Variants in GRXCR1 observed in about 807,000 individuals in gnomAD.
GRXCR1 encodes glutaredoxin domain-containing cysteine-rich protein 1.
GRXCR1 carries 27 observed loss-of-function variants against 27.3 expected under a neutral mutation model. The observed-to-expected ratio is 0.99, with a 90% CI of 0.73 to 1.37. The LOEUF (loss-of-function observed/expected upper bound fraction) is 1.37, where lower values mean the gene tolerates loss of function less well. Among genes scored for constraint, GRXCR1 ranks in the 40% most tolerant of loss-of-function variants. The probability of loss-of-function intolerance (pLI) is 0.00; values close to 1 mark genes in which losing one functional copy is unlikely to be tolerated. For synonymous variants in GRXCR1, 122 were observed against 131.1 expected, an observed-to-expected ratio of 0.93 and a Z score of 0.47; for missense variants, 379 against 354.4, an observed-to-expected ratio of 1.07 and a Z score of -0.56.
chr4:43,018,840 G>T (rs1215079031), intron 2 of GRXCR1, among the ~76,000 whole-genome samples: 1 of 152,090 alleles, frequency 6.6e-6, no homozygotes, highest in Non-Finnish European at 1.5e-5. Flanking sequence ...TGTTGTCATG[G>T]TGCTTTCATT....
chr4:42,901,843 T>C (rs1746468759), intron 1 of GRXCR1, among the ~76,000 whole-genome samples: 1 of 152,182 alleles, frequency 6.6e-6, no homozygotes, highest in Admixed American at 6.6e-5. Flanking sequence ...CCACAGCCCT[T>C]GGCTTTGGTC....
chr4:42,984,539 A>C (rs1577932082), intron 2 of GRXCR1, among the ~76,000 whole-genome samples: 3 of 152,296 alleles, frequency 2.0e-5, no homozygotes, highest in African/African-American at 4.8e-5. Context: ...GCCTTGTCTG[A>C]ATTAGCCCTT....
At chr4:42,912,620 C>T (rs568891286) in intron 1 of GRXCR1, among the ~76,000 whole-genome samples, 11 of 152,118 alleles carry the variant, frequency 7.2e-5, no homozygotes, top group Non-Finnish European at 1.5e-4. Flanking sequence ...AGTGACAAGA[C>T]CATTATATAT....
At chr4:42,894,512 A>G (rs1746307107) in intron 1 of GRXCR1, among the ~76,000 whole-genome samples, 1 of 152,094 alleles carries the variant, frequency 6.6e-6, no homozygotes, top group Admixed American at 6.6e-5. Context: ...TCAATTTTTA[A>G]ATAAAATGAT....
chr4:42,987,229 T>TATATTATATATATATAATATATAA, intron 2 of GRXCR1, among the ~76,000 whole-genome samples: 1 of 92,236 alleles, frequency 1.1e-5, no homozygotes, highest in African/African-American at 4.2e-5. Context: ...ATATTATATA[T>TATATTATATATATATAATATATAA]TATATATATA....
chr4:42,994,443 C>A (rs989074276), intron 2 of GRXCR1, among the ~76,000 whole-genome samples: 1 of 152,096 alleles, frequency 6.6e-6, no homozygotes, highest in Non-Finnish European at 1.5e-5. Context: ...AACACCCATG[C>A]CTTACTCTGC....
At chr4:43,023,977 C>G (rs1358379714) in intron 3 of GRXCR1, among the ~76,000 whole-genome samples, 1 of 152,004 alleles carries the variant, frequency 6.6e-6, no homozygotes, top group Non-Finnish European at 1.5e-5. Flanking sequence ...AATACAATAA[C>G]CAAGATGGAT....
At chr4:42,920,428 T>G (rs1352814381) in intron 1 of GRXCR1, among the ~76,000 whole-genome samples, 4 of 152,180 alleles carry the variant, frequency 2.6e-5, no homozygotes, top group African/African-American at 9.6e-5. Flanking sequence ...AGAATGGTAT[T>G]CAAAGCCAAG....
At chr4:43,018,139 G>T (rs1314169394) in intron 2 of GRXCR1, among the ~76,000 whole-genome samples, 1 of 152,158 alleles carries the variant, frequency 6.6e-6, no homozygotes, top group Non-Finnish European at 1.5e-5. Context: ...TCAAGTGGAG[G>T]GCAGAGACAT....
intron 2 of GRXCR1, among the ~76,000 whole-genome samples, chr4:42,965,685 A>G (rs1441896150): frequency 6.6e-6 from 1 of 152,084 alleles, no homozygotes; most frequent in African/African-American, 2.4e-5. Context: ...AGAAAAATCA[A>G]GATTTGTGAA....
At chr4:42,974,520 A>G (rs1411754087) in intron 2 of GRXCR1, among the ~76,000 whole-genome samples, 2 of 152,146 alleles carry the variant, frequency 1.3e-5, no homozygotes, top group African/African-American at 4.8e-5. Context: ...TCTAATCACT[A>G]ATGCGGAATG....
chr4:42,947,550 A>G (rs143033355), intron 1 of GRXCR1, among the ~76,000 whole-genome samples: 2 of 152,310 alleles, frequency 1.3e-5, no homozygotes, highest in African/African-American at 4.8e-5. Context: ...GGTTACTGAT[A>G]AAATTGTACA....
chr4:42,932,589 T>TGG lies in GRXCR1; in HGVS notation c.385-30303_385-30302insGG. On this transcript the variant is annotated intron_variant, in intron 1 of 3. Transcript: ENST00000399770. ...TTAAACTCCCTTCCATATATATATA[T>TGG]ATATATATATATATATATATATATA... Among the ~76,000 whole-genome samples, 76 of 42,954 alleles carry TGG rather than the reference T, an allele frequency of 1.8e-3. 1 individual carries two copies. Among genetic ancestry groups the TGG allele is most frequent in the Non-Finnish European group, 2.6e-3 (60 of 23,290 alleles). 28.2% of individuals were successfully genotyped at this position (42,954 alleles called of 152,430 possible).
chr4:42,949,354 C>CAAAAAAAAAAAAAAAAAAAAAAAAAA (rs10622265), intron 1 of GRXCR1, among the ~76,000 whole-genome samples: 1 of 81,122 alleles, frequency 1.2e-5, no homozygotes. Context: ...GACTCCATCT[C>CAAAAAAAAAAAAAAAAAAAAAAAAAA]AAAAAAAAAA....
chr4:42,894,421 T>C (rs557280745), intron 1 of GRXCR1, among the ~76,000 whole-genome samples: 1 of 152,234 alleles, frequency 6.6e-6, no homozygotes, highest in South Asian at 2.1e-4. Flanking sequence ...TAAAAACAGA[T>C]ATCATTATGT....
chr4:42,893,379 CG>C lies in GRXCR1; in HGVS notation c.114del (p.Ser39GlnfsTer14). ...VLKEVYEDGQ[P>X]SGSLDSECAS... ...AAGGAAGTGTATGAAGATGGGCAAC[CG>C]TCAGGCTCTCTGGATTCTGAATGTG... On this transcript the variant is annotated frameshift_variant, in exon 1 of 4. Coordinates refer to ENST00000399770, the MANE Select transcript of GRXCR1 (RefSeq NM_001080476.3). LOFTEE classifies it high-confidence loss of function. The C allele has an allele frequency of 6.2e-7, 1 of 1,613,766 alleles. No individual in the cohort carries two copies. The highest frequency in any genetic ancestry group is 8.5e-7 in the Non-Finnish European group (1 of 1,179,800).
intron 3 of GRXCR1, among the ~76,000 whole-genome samples, chr4:43,020,700 A>G (rs1713066805): frequency 6.6e-6 from 1 of 152,186 alleles, no homozygotes. Context: ...AGGTGTTTCA[A>G]GTCAGGAAAT....
intron 1 of GRXCR1, among the ~76,000 whole-genome samples, chr4:42,898,598 G>A (rs1055730023): frequency 6.6e-6 from 1 of 151,928 alleles, no homozygotes; most frequent in Admixed American, 6.6e-5. Context: ...GGACCACTCT[G>A]GGAAAATAAT....
At chr4:43,021,250 T>C in intron 3 of GRXCR1, among the ~76,000 whole-genome samples, 1 of 152,154 alleles carries the variant, frequency 6.6e-6, no homozygotes, top group Non-Finnish European at 1.5e-5. Context: ...GTGCAAGTTG[T>C]TCTGTCTGCC....
Sources: allele counts gnomAD v4.1 joint callset (sites outside exome capture counted in the v4.1 genomes callset), GRCh38; gene constraint gnomAD v4.1.1; transcripts MANE v1.5; gene names NCBI Gene and HGNC (gene_info 2026-07-23, HGNC 2026-07-21).